PHF20: variants seen among roughly 807,000 people sequenced by gnomAD.
PHF20 encodes the protein PHD finger protein 20.
Under a neutral mutation model 113.5 loss-of-function variants are expected in PHF20, and 23 were observed. The observed-to-expected ratio is 0.20, with a 90% CI of 0.15 to 0.29. The LOEUF is 0.29. Among genes scored for constraint, PHF20 ranks in the 10% least tolerant of loss-of-function variants. The pLI, the probability that PHF20 is intolerant of heterozygous loss-of-function variation, is 1.00. For missense variants in PHF20, 943 were observed against 1,219.6 expected, an observed-to-expected ratio of 0.77 and a Z score of 3.38; for synonymous variants, 434 against 457.3, an observed-to-expected ratio of 0.95 and a Z score of 0.65.
intron 9 of PHF20, among the ~76,000 whole-genome samples, chr20:35,872,520 C>T (rs1869268813): frequency 6.6e-6 from 1 of 152,058 alleles, no homozygotes; most frequent in South Asian, 2.1e-4. Flanking sequence ...GAGACTCAGT[C>T]TAAATAAATA....
At chr20:35,827,957 A>C (rs534312493) in intron 2 of PHF20, among the ~76,000 whole-genome samples, 34 of 152,234 alleles carry the variant, frequency 2.2e-4, no homozygotes, top group Non-Finnish European at 4.0e-4. Context: ...TGATCAAGTG[A>C]GATACCTTAG....
At chr20:35,853,222 A>G (rs1202449395) in intron 4 of PHF20, 1 of 146,288 alleles carries the variant, frequency 6.8e-6, no homozygotes, top group Non-Finnish European at 1.5e-5. Flanking sequence ...ACTCGTCTCA[A>G]AAAAAAAAAA....
chr20:35,824,282 A>T (rs1480917576), intron 2 of PHF20, among the ~76,000 whole-genome samples: 5 of 151,960 alleles, frequency 3.3e-5, no homozygotes, highest in Non-Finnish European at 7.4e-5. Flanking sequence ...TAACTGTTTT[A>T]AAAAATTGAG....
intron 2 of PHF20, among the ~76,000 whole-genome samples, chr20:35,837,622 A>G (rs2042465584): frequency 6.6e-6 from 1 of 152,264 alleles, no homozygotes; most frequent in South Asian, 2.1e-4. Flanking sequence ...GCAGTTGATT[A>G]TCAGCAATTA....
Position 35,947,519 on chromosome 20 carries a change from G to A in PHF20, c.2931G>A (p.Leu977=). ...GCTGGCTGGACTACACTGGGGAACT[G>A]GAGCCCCCTGAGCCGCTGGCCAGGC... The part of the protein sequence containing the change: ...LESWLDYTGE[L]EPPEPLARLP... The change falls in exon 18 of 18, where the codon CTG becomes CTA. Residue 977 remains leucine, a synonymous_variant. Transcript: ENST00000374012. 6.2e-7 allele frequency: 1 copy of A among 1,614,058 alleles called. No individual in the cohort carries two copies. Among genetic ancestry groups the A allele is most frequent in the Non-Finnish European group, 8.5e-7 (1 of 1,179,982 alleles).
At chr20:35,941,544 T>C (rs1223969964) in intron 17 of PHF20, among the ~76,000 whole-genome samples, 1 of 152,192 alleles carries the variant, frequency 6.6e-6, no homozygotes, top group South Asian at 2.1e-4. Context: ...CTTCCAGATA[T>C]TGGTGGTTAC....
chr20:35,880,731 C>T (rs192294874), intron 9 of PHF20, among the ~76,000 whole-genome samples: 6 of 152,144 alleles, frequency 3.9e-5, no homozygotes, highest in African/African-American at 1.4e-4. Context: ...GAGGCTGACG[C>T]GGGCAGATCA....
At chr20:35,790,845 C>G (rs2041530447) in intron 1 of PHF20, among the ~76,000 whole-genome samples, 1 of 152,000 alleles carries the variant, frequency 6.6e-6, no homozygotes, top group Non-Finnish European at 1.5e-5. Flanking sequence ...AGCCGCTGAA[C>G]TGTTTTTTTT....
intron 9 of PHF20, among the ~76,000 whole-genome samples, chr20:35,892,604 CT>C (rs939075176): frequency 5.9e-5 from 9 of 152,128 alleles, no homozygotes; most frequent in African/African-American, 2.2e-4. Context: ...TTTTTATCTA[CT>C]TTTTTTTCTT....
chr20:35,908,982 G>A (rs2055248770), intron 10 of PHF20, among the ~76,000 whole-genome samples: 1 of 152,104 alleles, frequency 6.6e-6, no homozygotes, highest in African/African-American at 2.4e-5. Context: ...AACAAAGATA[G>A]TGTTATTTCT....
At chr20:35,774,129 C>T (rs1037815712) in intron 1 of PHF20, among the ~76,000 whole-genome samples, 1 of 151,406 alleles carries the variant, frequency 6.6e-6, no homozygotes, top group African/African-American at 2.4e-5. Context: ...GTCGCCCAGG[C>T]TGGAGTGCAG....
Position 35,938,942 on chromosome 20 carries a change from C to G in PHF20, c.2546C>G (p.Pro849Arg). The stretch of plus-strand genomic sequence containing the variant: ...TACCAGAAGCCCCGCGCCTATTACC[C>G]TGCCGTGGAGCAGAAGCTGGTGGTG... ...HCYQKPRAYYPAVEQKLVVET... is the reference protein window; with the variant it reads ...HCYQKPRAYYRAVEQKLVVET... The change falls in exon 16 of 18, where the codon CCT becomes CGT. Residue 849 changes from proline (P) to arginine (R), a missense_variant. Coordinates refer to ENST00000374012, the MANE Select transcript of PHF20 (RefSeq NM_016436.5). 1 of 1,614,192 alleles carries G rather than the reference C, an allele frequency of 6.2e-7. No individual in the cohort carries two copies. Among genetic ancestry groups the G allele is most frequent in the Non-Finnish European group, 8.5e-7 (1 of 1,180,036 alleles).
intron 1 of PHF20, among the ~76,000 whole-genome samples, chr20:35,786,687 CTT>C (rs1352647535): frequency 2.6e-5 from 4 of 152,074 alleles, no homozygotes; most frequent in Admixed American, 2.6e-4. Flanking sequence ...GGCGACAGAG[CTT>C]GACTCCGTCT....
At chr20:35,773,640 T>G (rs1205690173) in intron 1 of PHF20, among the ~76,000 whole-genome samples, 1 of 152,200 alleles carries the variant, frequency 6.6e-6, no homozygotes, top group Non-Finnish European at 1.5e-5. Flanking sequence ...CCCAAACATT[T>G]TTCTGGTTTC....
At chr20:35,941,504 C>T (rs1451194901) in intron 17 of PHF20, among the ~76,000 whole-genome samples, 1 of 152,166 alleles carries the variant, frequency 6.6e-6, no homozygotes, top group African/African-American at 2.4e-5. Flanking sequence ...TGAGAATTTG[C>T]CTGAGTCATT....
chr20:35,826,285 C>G (rs2042260293), intron 2 of PHF20, among the ~76,000 whole-genome samples: 1 of 152,176 alleles, frequency 6.6e-6, no homozygotes, highest in African/African-American at 2.4e-5. Context: ...CCCAGGTGAT[C>G]TGCCCGCGTC....
intron 5 of PHF20, among the ~76,000 whole-genome samples, chr20:35,859,690 G>A (rs1427104312): frequency 2.0e-5 from 3 of 151,952 alleles, no homozygotes; most frequent in African/African-American, 4.8e-5. Flanking sequence ...GAGACTAGGC[G>A]CGTGCCACCA....
chr20:35,831,485 A>G (rs1422005251), intron 2 of PHF20, among the ~76,000 whole-genome samples: 1 of 152,140 alleles, frequency 6.6e-6, no homozygotes, highest in African/African-American at 2.4e-5. Flanking sequence ...TTTTAGAAAT[A>G]GGGTCTCACT....
chr20:35,938,803 A>C lies in PHF20; in HGVS notation c.2407A>C (p.Lys803Gln), dbSNP rs1187782220. ...RNIPVTDTRS[K>Q]EEAPSYRTLN... ...CATCCCTGTCACTGACACCAGGAGC[A>C]AGGAGGAAGCTCCAAGCTATAGAAC... The change falls in exon 16 of 18, where the codon AAG (lysine) becomes CAG (glutamine). Residue 803 changes from lysine (K) to glutamine (Q), a missense_variant. Physicochemically the swap from Lys to Gln is moderately conservative, Grantham distance 53. Transcript: ENST00000374012. The C allele has an allele frequency of 6.2e-7, 1 of 1,614,176 alleles. No homozygotes were observed. The highest frequency in any genetic ancestry group is 2.2e-5 in the East Asian group (1 of 44,882).
Sources: gnomAD v4.1 joint callset for allele counts (sites outside exome capture counted in the v4.1 genomes callset) on GRCh38, gnomAD v4.1.1 for gene constraint, MANE v1.5 for transcripts, NCBI Gene and HGNC (gene_info 2026-07-23, HGNC 2026-07-21) for gene names.